Variants in WWOX observed in about 807,000 individuals in gnomAD.
WWOX encodes the protein WW domain-containing oxidoreductase.
Under a neutral mutation model 46.2 loss-of-function variants are expected in WWOX, and 69 were observed. That is an observed-to-expected ratio of 1.49 (90% confidence interval 1.23 to 1.82). The LOEUF (loss-of-function observed/expected upper bound fraction) is 1.82, where lower values mean the gene tolerates loss of function less well. Ranked by LOEUF, WWOX falls within the 40% of genes most tolerant of loss-of-function variation. WWOX has a pLI of 0.00. For synonymous variants in WWOX, 359 were observed against 202.6 expected (o/e 1.77, Z -6.56); for missense variants, 919 against 542.6 (o/e 1.69, Z -6.89).
intron 8 of WWOX, among the ~76,000 whole-genome samples, chr16:79,123,155 C>T (rs993720854): frequency 2.6e-5 from 4 of 151,940 alleles, no homozygotes; most frequent in African/African-American, 9.7e-5. Flanking sequence ...AACAGAGTAC[C>T]CACTAGTGAG....
intron 8 of WWOX, among the ~76,000 whole-genome samples, chr16:78,882,837 AAAAAG>A (rs1390299307): frequency 1.3e-5 from 2 of 151,978 alleles, no homozygotes; most frequent in Non-Finnish European, 2.9e-5. Flanking sequence ...TAAAAAAAAA[AAAAAG>A]GGCATTAATG....
intron 5 of WWOX, among the ~76,000 whole-genome samples, chr16:78,362,967 C>G (rs1163954804): frequency 6.6e-6 from 1 of 152,146 alleles, no homozygotes; most frequent in Non-Finnish European, 1.5e-5. Context: ...GCCTCTGATT[C>G]CTTCCCCAGC....
intron 8 of WWOX, among the ~76,000 whole-genome samples, chr16:78,946,017 C>G (rs928714497): frequency 3.9e-5 from 6 of 152,190 alleles, no homozygotes; most frequent in African/African-American, 1.4e-4. Flanking sequence ...AAAAGAGCCG[C>G]TGATCTGCAT....
chr16:78,563,532 T>G lies in WWOX; in HGVS notation c.1056+130780T>G, dbSNP rs1023538736. ...ACACACACACGCTTTTTTTTTTTTT[T>G]CTTTTTTTTTTTCTCCTATTGCAAT... is the stretch of plus-strand genomic sequence containing the variant. On this transcript the variant is annotated intron_variant, in intron 8 of 8. Transcript: ENST00000566780. Among the ~76,000 whole-genome samples, 38 of 147,870 alleles carry G rather than the reference T, an allele frequency of 2.6e-4. 1 individual carries two copies. The highest frequency in any genetic ancestry group is 4.8e-4 in the Non-Finnish European group (32 of 67,104).
intron 5 of WWOX, among the ~76,000 whole-genome samples, chr16:78,306,800 T>C (rs62035717): frequency 0.068 from 10,035 of 147,846 alleles, 924 homozygotes; most frequent in African/African-American, 0.22. Flanking sequence ...CCCCACTGAG[T>C]CCCATTCCTT....
At chr16:78,526,320 T>G (rs1328026883) in intron 8 of WWOX, 1 of 152,308 alleles carries the variant, frequency 6.6e-6, no homozygotes, top group Non-Finnish European at 1.5e-5. Flanking sequence ...TTGCGACCTT[T>G]TCTTCCAAGA....
chr16:78,925,664 G>C (rs564498512), intron 8 of WWOX, among the ~76,000 whole-genome samples: 2 of 152,290 alleles, frequency 1.3e-5, no homozygotes, highest in African/African-American at 4.8e-5. Context: ...TGAGAACCAG[G>C]TTTTTGCATG....
chr16:78,350,344 C>G (rs2081162084), intron 5 of WWOX, among the ~76,000 whole-genome samples: 1 of 121,432 alleles, frequency 8.2e-6, no homozygotes, highest in Non-Finnish European at 2.0e-5. Context: ...TCAGTGCTTT[C>G]AGTATATTCA....
intron 8 of WWOX, among the ~76,000 whole-genome samples, chr16:79,003,095 C>G (rs1469757185): frequency 6.6e-6 from 1 of 152,190 alleles, no homozygotes; most frequent in Admixed American, 6.5e-5. Flanking sequence ...CCCTGAAAAA[C>G]CTCCTTCCAG....
intron 8 of WWOX, among the ~76,000 whole-genome samples, chr16:78,575,634 C>T (rs1177198954): frequency 6.6e-6 from 1 of 152,088 alleles, no homozygotes; most frequent in Non-Finnish European, 1.5e-5. Flanking sequence ...TACTGTGTGC[C>T]ATTAGAGACC....
chr16:78,876,082 T>C lies in WWOX; in HGVS notation c.1057-335526T>C, dbSNP rs549415955. Among the ~76,000 whole-genome samples, 14 of 152,320 alleles carry C rather than the reference T, an allele frequency of 9.2e-5. No individual in the cohort carries two copies. In the South Asian group the frequency reaches 2.7e-3, roughly 29 times the overall value. ...ATGGACAGCTGCCAACCTGCTCTTT[T>C]TGTGCTGAGGAACTCTAGATATTTC... On this transcript the variant is annotated intron_variant, in intron 8 of 8. Coordinates refer to ENST00000566780, the MANE Select transcript of WWOX (RefSeq NM_016373.4).
chr16:78,295,165 T>C (rs1318317412), intron 5 of WWOX, among the ~76,000 whole-genome samples: 1 of 152,170 alleles, frequency 6.6e-6, no homozygotes, highest in Non-Finnish European at 1.5e-5. Context: ...TCATTTATTT[T>C]GAGGTCTTGG....
intron 8 of WWOX, among the ~76,000 whole-genome samples, chr16:79,207,953 C>G (rs937684267): frequency 1.5e-4 from 23 of 152,118 alleles, no homozygotes; most frequent in Admixed American, 1.3e-3. Context: ...CATCCCAACA[C>G]CGAGTTTTGG....
intron 8 of WWOX, among the ~76,000 whole-genome samples, chr16:78,946,860 C>A (rs1037574460): frequency 6.6e-6 from 1 of 151,924 alleles, no homozygotes. Context: ...TAAGAATGGC[C>A]GTGGCAAGGA....
chr16:79,198,195 G>T (rs1255073381), intron 8 of WWOX, among the ~76,000 whole-genome samples: 2 of 151,922 alleles, frequency 1.3e-5, no homozygotes, highest in African/African-American at 4.8e-5. Flanking sequence ...AAAATTAGCT[G>T]GGCATGGTGG....
intron 8 of WWOX, among the ~76,000 whole-genome samples, chr16:78,908,537 C>T (rs902180788): frequency 8.6e-5 from 3 of 34,978 alleles, no homozygotes; most frequent in East Asian, 2.1e-3. Context: ...GAAACTCTGT[C>T]TCGGAAAAAA....
chr16:78,682,861 C>T lies in WWOX; in HGVS notation c.1056+250109C>T, dbSNP rs556070944. On this transcript the variant is annotated intron_variant, in intron 8 of 8. Transcript: ENST00000566780. The stretch of plus-strand genomic sequence containing the variant: ...GCCTGCTGCAAATAGAACAGTGGTG[C>T]TTAGCAGCTTTAGATAATGCATTGT... 4.6e-5 allele frequency among the ~76,000 whole-genome samples: 7 copies of T among 152,304 alleles called. No individual in the cohort carries two copies. The South Asian group carries it at 1.0e-3, about 23-fold the overall frequency.
chr16:78,938,517 T>A (rs1371073878), intron 8 of WWOX, among the ~76,000 whole-genome samples: 2 of 149,718 alleles, frequency 1.3e-5, no homozygotes, highest in East Asian at 3.9e-4. Context: ...CCTGTTTGAG[T>A]TGACCTGTCC....
At chr16:78,300,593 A>T (rs1047072617) in intron 5 of WWOX, among the ~76,000 whole-genome samples, 1 of 150,974 alleles carries the variant, frequency 6.6e-6, no homozygotes, top group Non-Finnish European at 1.5e-5. Flanking sequence ...TGACATCTCC[A>T]AATAGTTTTT....
Sources: gnomAD v4.1 joint callset for allele counts (sites outside exome capture counted in the v4.1 genomes callset) on GRCh38, gnomAD v4.1.1 for gene constraint, MANE v1.5 for transcripts, NCBI Gene and HGNC (gene_info 2026-07-23, HGNC 2026-07-21) for gene names.